SLC25A16: variants seen among roughly 807,000 people sequenced by gnomAD.
SLC25A16 encodes mitochondrial coenzyme A transporter SLC25A16.
A neutral mutation model predicts 41.5 loss-of-function variants in SLC25A16; 39 were observed. That is an observed-to-expected ratio of 0.94 (90% confidence interval 0.73 to 1.23). SLC25A16 has a LOEUF of 1.23. Ranked by LOEUF, SLC25A16 falls within the 50% of genes most tolerant of loss-of-function variation. The pLI is 0.00. For missense variants in SLC25A16, 421 were observed against 426.9 expected, an observed-to-expected ratio of 0.99 and a Z score of 0.12; for synonymous variants, 146 against 147.8, an observed-to-expected ratio of 0.99 and a Z score of 0.09.
At chr10:68,516,581 T>A (rs1335642250) in intron 2 of SLC25A16, among the ~76,000 whole-genome samples, 170 bp downstream of exon 2, 1 of 152,226 alleles carries the variant, frequency 6.6e-6, no homozygotes, top group Non-Finnish European at 1.5e-5. Context: ...GGTCTTTGAA[T>A]AAATTTTGCT....
chr10:68,524,187 G>A (rs1011849651), intron 1 of SLC25A16, among the ~76,000 whole-genome samples: 59 of 151,494 alleles, frequency 3.9e-4, no homozygotes, highest in Non-Finnish European at 5.4e-4. Flanking sequence ...GCGGGCGCCT[G>A]TAGTCCCAGC....
intron 2 of SLC25A16, among the ~76,000 whole-genome samples, chr10:68,508,081 A>T (rs1397527245): frequency 6.6e-6 from 1 of 152,002 alleles, no homozygotes; most frequent in African/African-American, 2.4e-5. Flanking sequence ...AAATACAAAA[A>T]TTAGGCAGGC....
intron 2 of SLC25A16, among the ~76,000 whole-genome samples, chr10:68,509,737 A>C (rs9415907): frequency 0.022 from 3,212 of 143,778 alleles, 124 homozygotes; most frequent in African/African-American, 0.077. Flanking sequence ...CTATCTATAT[A>C]TATATCTATA....
At position 68,527,101 on chromosome 10, in the gene SLC25A16, G is replaced by T. The variant is rs373719524; in HGVS notation, c.130+145C>A. On this transcript the variant is annotated intron_variant, in intron 1 of 8. Transcript: ENST00000609923. ...TTAGTCAAGTGATTACTAGAAAGAG[G>T]TTACAGCAGGTCAGGGCAGACATCT... The T allele has an allele frequency of 3.8e-5, 31 of 824,742 alleles. No homozygotes were observed. The African/African-American group carries it at 4.9e-4, about 13-fold the overall frequency. 51.1% of individuals were successfully genotyped at this position (824,742 alleles called of 1,614,324 possible). A position where few individuals can be genotyped will look rare whatever the true frequency, so the allele number is the denominator to read the frequency against.
At chr10:68,494,906 GAA>G (rs1424421705) in intron 4 of SLC25A16, among the ~76,000 whole-genome samples, 1 of 148,910 alleles carries the variant, frequency 6.7e-6, no homozygotes. Flanking sequence ...AAAAAGAAAA[GAA>G]AACAAAATCA....
intron 4 of SLC25A16, 103 bp from the exon 5 acceptor site, chr10:68,493,673 C>T: frequency 1.1e-6 from 1 of 900,188 alleles, no homozygotes; most frequent in Non-Finnish European, 1.7e-6. Flanking sequence ...TGGTGAAAAC[C>T]CAATAAAATC....
intron 1 of SLC25A16, among the ~76,000 whole-genome samples, chr10:68,520,704 C>G (rs192705464): frequency 6.6e-6 from 1 of 150,706 alleles, no homozygotes; most frequent in Non-Finnish European, 1.5e-5. Context: ...CCCAGCTACA[C>G]GGGAGGCTGA....
At chr10:68,511,362 C>G (rs1316388618) in intron 2 of SLC25A16, among the ~76,000 whole-genome samples, 1 of 152,148 alleles carries the variant, frequency 6.6e-6, no homozygotes, top group Non-Finnish European at 1.5e-5. Context: ...CTGTTGCACT[C>G]CAGGAATTCT....
intron 1 of SLC25A16, among the ~76,000 whole-genome samples, chr10:68,524,368 T>G (rs2053301296): frequency 7.0e-6 from 1 of 142,316 alleles, no homozygotes; most frequent in Non-Finnish European, 1.5e-5. Flanking sequence ...ATGGTAAAAC[T>G]TCGTCTCTAC....
intron 2 of SLC25A16, 100 bp from the exon 3 acceptor site, chr10:68,506,818 T>C (rs1187320524): frequency 4.3e-6 from 3 of 689,884 alleles, no homozygotes; most frequent in Non-Finnish European, 6.6e-6. Context: ...TCACTCAAGA[T>C]ATAATTTTGC....
chr10:68,500,607 C>G (rs2052825160), intron 4 of SLC25A16, among the ~76,000 whole-genome samples: 1 of 151,302 alleles, frequency 6.6e-6, no homozygotes, highest in South Asian at 2.1e-4. Flanking sequence ...TGTGCCCGGC[C>G]CTGAATTAAA....
intron 3 of SLC25A16, among the ~76,000 whole-genome samples, chr10:68,505,540 A>G (rs2052936523): frequency 6.8e-6 from 1 of 146,568 alleles, no homozygotes; most frequent in Non-Finnish European, 1.5e-5. Flanking sequence ...TTGGGAGGCC[A>G]AGGTGGGCAG....
intron 8 of SLC25A16, 58 bp downstream of exon 8, chr10:68,487,086 A>T: frequency 7.5e-7 from 1 of 1,337,448 alleles, no homozygotes; most frequent in Non-Finnish European, 1.1e-6. Context: ...CTATCTCCTT[A>T]CTGAGTTTAA....
In SLC25A16 at chr10:68,492,440, C is replaced by T. The variant is rs774365815; in HGVS notation, c.610+692G>A. 1.4e-4 allele frequency among the ~76,000 whole-genome samples: 22 copies of T among 152,128 alleles called. No individual in the cohort carries two copies. The East Asian group carries it at 2.7e-3, about 19-fold the overall frequency. ...CTTGTAACATAACTGTATGTAAATCCACAATTACCTCAAAATAAAAAGTTT... is the reference window on the plus strand; with the variant it reads ...CTTGTAACATAACTGTATGTAAATCTACAATTACCTCAAAATAAAAAGTTT... On this transcript the variant is annotated intron_variant, in intron 6 of 8. Transcript: ENST00000609923.
chr10:68,495,024 T>C (rs1402810247), intron 4 of SLC25A16, among the ~76,000 whole-genome samples: 1 of 148,016 alleles, frequency 6.8e-6, no homozygotes, highest in Admixed American at 6.7e-5. Context: ...CTCACTCCTT[T>C]TAATCCCAGC....
intron 1 of SLC25A16, among the ~76,000 whole-genome samples, chr10:68,525,128 GTTTT>G (rs888064622): frequency 1.3e-5 from 2 of 151,624 alleles, no homozygotes; most frequent in Admixed American, 1.3e-4. Flanking sequence ...ATAATGTGAG[GTTTT>G]TTTTGTTTTA....
At chr10:68,484,750 C>A (rs2052531462) in intron 8 of SLC25A16, among the ~76,000 whole-genome samples, 1 of 152,002 alleles carries the variant, frequency 6.6e-6, no homozygotes, top group African/African-American at 2.4e-5. Flanking sequence ...TGCTCCCAGC[C>A]CAAAAAATCT....
intron 1 of SLC25A16, among the ~76,000 whole-genome samples, chr10:68,520,842 AGCCAGGCGAAGG>A (rs2133598428): frequency 6.6e-6 from 1 of 150,472 alleles, no homozygotes; most frequent in East Asian, 2.0e-4. Flanking sequence ...TACAAAAATT[AGCCAGGCGAAGG>A]GCCAGGCATG....
intron 4 of SLC25A16, chr10:68,499,699 C>A (rs2052808596): frequency 2.8e-6 from 1 of 360,020 alleles, no homozygotes; most frequent in Non-Finnish European, 5.5e-6. Flanking sequence ...TGATGAAGGT[C>A]AGGTTGTATG....
Sources: gnomAD v4.1 joint callset for allele counts (sites outside exome capture counted in the v4.1 genomes callset) on GRCh38, gnomAD v4.1.1 for gene constraint, MANE v1.5 for transcripts, NCBI Gene and HGNC (gene_info 2026-07-23, HGNC 2026-07-21) for gene names.